CMKLR2: variants seen among roughly 807,000 people sequenced by gnomAD.
CMKLR2 encodes the protein chemerin chemokine-like receptor 2.
CMKLR2 carries 18 observed loss-of-function variants against 23.0 expected under a neutral mutation model. The ratio of observed to expected loss-of-function variants is 0.78; its 90% CI spans 0.54 to 1.16. The LOEUF is 1.16. CMKLR2 is among the 50% of genes most tolerant of loss of function. CMKLR2 has a pLI of 0.00. For missense variants in CMKLR2, 401 were observed against 412.7 expected, an observed-to-expected ratio of 0.97 and a Z score of 0.25; for synonymous variants, 158 against 158.9, an observed-to-expected ratio of 0.99 and a Z score of 0.05.
At chr2:206,216,716 C>T (rs1054902382), upstream of CMKLR2, among the ~76,000 whole-genome samples, 68 of 152,312 alleles carry the variant, frequency 4.5e-4, no homozygotes, top group African/African-American at 1.6e-3. Context: ...AATAGCATTT[C>T]TCCACTAATG....
chr2:206,179,322 A>G (rs1042303279), intron 1 of CMKLR2, among the ~76,000 whole-genome samples: 2 of 138,684 alleles, frequency 1.4e-5, no homozygotes, highest in African/African-American at 2.7e-5. Flanking sequence ...TGATTCGCCC[A>G]CCTTGGCCTC....
intron 1 of CMKLR2, among the ~76,000 whole-genome samples, chr2:206,182,091 G>A (rs1688433937): frequency 6.6e-6 from 1 of 151,956 alleles, no homozygotes; most frequent in South Asian, 2.1e-4. Context: ...GAAGAAGATG[G>A]GTGAGTCTTG....
rs1559081862 is a variant in CMKLR2, at chr2:206,177,139, C to CAACT, written c.105_108dup (p.Val37SerfsTer148). 6.2e-7 allele frequency: 1 copy of CAACT among 1,613,984 alleles called. No homozygotes were observed. The highest frequency in any genetic ancestry group is 1.1e-5 in the South Asian group (1 of 91,082). The stretch of plus-strand genomic sequence containing the variant: ...TATAACACCAGGGAGACCCAGTGAA[C>CAACT]AACTCCCAGCTGGACTTTCTCCTCC... On this transcript the variant is annotated frameshift_variant, in exon 2 of 2. Coordinates refer to ENST00000621141, the MANE Select transcript of CMKLR2 (RefSeq NM_001389445.1). LOFTEE classifies it high-confidence loss of function.
intron 1 of CMKLR2, among the ~76,000 whole-genome samples, chr2:206,211,328 T>A (rs1689552134): frequency 3.3e-5 from 5 of 152,104 alleles, no homozygotes; most frequent in Admixed American, 3.3e-4. Flanking sequence ...TATTTTTTGT[T>A]TTGTTTTGTG....
chr2:206,204,580 A>G (rs2105833747), intron 1 of CMKLR2, among the ~76,000 whole-genome samples: 1 of 151,412 alleles, frequency 6.6e-6, no homozygotes, highest in Admixed American at 6.6e-5. Flanking sequence ...TTTTTTTGAG[A>G]CAGAGTCTCG....
At position 206,194,793 on chromosome 2, in the gene CMKLR2, G is replaced by A. The variant is rs577144633; in HGVS notation, c.-28-17518C>T. On this transcript the variant is annotated intron_variant, in intron 1 of 1. Transcript: ENST00000621141. ...TTTTGAGACGGAGTCTCGCTCTATC[G>A]CCCAGGCTGAAGTGCAGTGGCACAA... Among the ~76,000 whole-genome samples the A allele has an allele frequency of 6.9e-3, 755 of 109,414 alleles. 9 individuals carry two copies. The highest frequency in any genetic ancestry group is 0.026 in the African/African-American group (717 of 27,660). The allele number at this position is 109,414 out of a possible 152,430, so 71.8% of individuals were successfully genotyped here.
chr2:206,215,523 C>T (rs1574336457), upstream of CMKLR2, among the ~76,000 whole-genome samples: 1 of 152,298 alleles, frequency 6.6e-6, no homozygotes, highest in Non-Finnish European at 1.5e-5. Context: ...AAGCACAGTA[C>T]ACACTGAAAC....
At chr2:206,206,760 G>T (rs112833597) in intron 1 of CMKLR2, among the ~76,000 whole-genome samples, 1 of 152,250 alleles carries the variant, frequency 6.6e-6, no homozygotes, top group African/African-American at 2.4e-5. Context: ...ATTTATTGAA[G>T]GAAAGACTAT....
At chr2:206,216,557 C>T (rs1689760576), upstream of CMKLR2, among the ~76,000 whole-genome samples, 1 of 152,188 alleles carries the variant, frequency 6.6e-6, no homozygotes, top group Non-Finnish European at 1.5e-5. Context: ...GCCGGGATTA[C>T]AGGTATGGGC....
At chr2:206,214,548 C>G (rs1689687097), upstream of CMKLR2, among the ~76,000 whole-genome samples, 1 of 152,132 alleles carries the variant, frequency 6.6e-6, no homozygotes, top group Admixed American at 6.5e-5. Context: ...AAGCATGGAG[C>G]TTGAAGGTAG....
At chr2:206,211,857 G>T (rs1689580378) in intron 1 of CMKLR2, among the ~76,000 whole-genome samples, 1 of 140,572 alleles carries the variant, frequency 7.1e-6, no homozygotes. Flanking sequence ...TTAAGCTAGG[G>T]TTAGGTTCTG....
Position 206,176,113 on chromosome 2 carries a change from A to C in CMKLR2, c.*67T>G. On this transcript the variant is annotated 3_prime_UTR_variant, in exon 2 of 2. Transcript: ENST00000621141. ...GGCTCTCTATCTTGGAAACAATTTT[A>C]ATCTGAAAGCATCAGTCAGAGGACC... The C allele has an allele frequency of 8.6e-7, 1 of 1,162,402 alleles. No homozygotes were observed. Among genetic ancestry groups the C allele is most frequent in the South Asian group, 1.6e-5 (1 of 62,814 alleles). 72.0% of individuals were successfully genotyped at this position (1,162,402 alleles called of 1,614,324 possible). A position where few individuals can be genotyped will look rare whatever the true frequency, so the allele number is the denominator to read the frequency against.
intron 1 of CMKLR2, among the ~76,000 whole-genome samples, chr2:206,193,251 A>G (rs571498663): frequency 6.6e-6 from 1 of 152,270 alleles, no homozygotes; most frequent in South Asian, 2.1e-4. Flanking sequence ...GGTATCCGCC[A>G]CCATGCCCAG....
chr2:206,205,611 ATCT>A (rs902739443), intron 1 of CMKLR2, among the ~76,000 whole-genome samples: 1 of 151,432 alleles, frequency 6.6e-6, no homozygotes, highest in African/African-American at 2.4e-5. Context: ...GGCTCAAGTG[ATCT>A]TCTTGCCTTG....
intron 1 of CMKLR2, among the ~76,000 whole-genome samples, chr2:206,191,430 G>C (rs1166370014): frequency 6.6e-6 from 1 of 152,136 alleles, no homozygotes; most frequent in Non-Finnish European, 1.5e-5. Context: ...GTTACTTCAT[G>C]AGAAGGGTGA....
chr2:206,198,211 A>G (rs1349326478), intron 1 of CMKLR2, among the ~76,000 whole-genome samples: 1 of 152,146 alleles, frequency 6.6e-6, no homozygotes, highest in Admixed American at 6.6e-5. Context: ...TTTTGCCTCA[A>G]TTGCCTTATC....
intron 1 of CMKLR2, among the ~76,000 whole-genome samples, chr2:206,212,582 G>A (rs998505122): frequency 6.6e-6 from 1 of 152,154 alleles, no homozygotes; most frequent in Non-Finnish European, 1.5e-5. Flanking sequence ...GACAATTGGT[G>A]CTCACAGTTT....
At chr2:206,178,336 C>T (rs1179545980) in intron 1 of CMKLR2, among the ~76,000 whole-genome samples, 1 of 152,132 alleles carries the variant, frequency 6.6e-6, no homozygotes, top group Non-Finnish European at 1.5e-5. Flanking sequence ...TAAAGAGTTC[C>T]TACTATTTCC....
intron 1 of CMKLR2, among the ~76,000 whole-genome samples, chr2:206,205,228 A>G (rs1341512261): frequency 6.6e-6 from 1 of 152,186 alleles, no homozygotes; most frequent in Non-Finnish European, 1.5e-5. Context: ...TCAAAAATCA[A>G]TCTTTTATTT....
Sources: gnomAD v4.1 joint callset for allele counts (sites outside exome capture counted in the v4.1 genomes callset) on GRCh38, gnomAD v4.1.1 for gene constraint, MANE v1.5 for transcripts, NCBI Gene and HGNC (gene_info 2026-07-23, HGNC 2026-07-21) for gene names.